Variants in GLTP observed in about 807,000 individuals in gnomAD.
GLTP encodes the protein glycolipid transfer protein.
In GLTP, 22 loss-of-function variants were observed where a neutral mutation model predicts 24.0. The ratio of observed to expected loss-of-function variants is 0.92; its 90% CI spans 0.65 to 1.31. GLTP has a LOEUF of 1.31. Among genes scored for constraint, GLTP ranks in the 50% most tolerant of loss-of-function variants. The probability of loss-of-function intolerance (pLI) is 0.00; values close to 1 mark genes in which losing one functional copy is unlikely to be tolerated. For synonymous variants in GLTP, 92 were observed against 115.9 expected, an observed-to-expected ratio of 0.79 and a Z score of 1.33; for missense variants, 224 against 276.6, an observed-to-expected ratio of 0.81 and a Z score of 1.35.
At position 109,852,636 on chromosome 12, in the gene GLTP, G is replaced by A. The variant is rs1421562002; in HGVS notation, c.549C>T (p.Phe183=). ...CGATGGTCGCCGTGTAGTTGACTAG[G>A]AAGAGGCGGATCTTCTCCAGGCACT... is the stretch of plus-strand genomic sequence containing the variant. ...EEECLEKIRL[F]LVNYTATIDV... is the part of the protein sequence containing the mutation. Residue 183 remains phenylalanine, a synonymous_variant, in exon 5 of 5, where the codon TTC becomes TTT. Transcript: ENST00000318348. The A allele has an allele frequency of 1.2e-6, 2 of 1,604,410 alleles. No homozygotes were observed. The highest frequency in any genetic ancestry group is 1.7e-6 in the Non-Finnish European group (2 of 1,171,154).
At chr12:109,871,979 C>T (rs551984878) in intron 1 of GLTP, among the ~76,000 whole-genome samples, 2 of 152,364 alleles carry the variant, frequency 1.3e-5, no homozygotes, top group Admixed American at 6.5e-5. Flanking sequence ...AGTCTCTCCC[C>T]TCCTACTCAA....
chr12:109,879,361 C>T (rs1358238879), intron 1 of GLTP, among the ~76,000 whole-genome samples: 1 of 152,166 alleles, frequency 6.6e-6, no homozygotes, highest in Non-Finnish European at 1.5e-5. Context: ...AGGGCAGGGG[C>T]AGTGGTGCTG....
chr12:109,861,663 G>T (rs1378372488), intron 1 of GLTP, among the ~76,000 whole-genome samples: 1 of 152,044 alleles, frequency 6.6e-6, no homozygotes, highest in East Asian at 1.9e-4. Context: ...CAGGAAAATC[G>T]CCTGAACCTG....
intron 4 of GLTP, among the ~76,000 whole-genome samples, chr12:109,853,178 T>C (rs1275133144): frequency 6.6e-6 from 1 of 152,126 alleles, no homozygotes; most frequent in Admixed American, 6.6e-5. Flanking sequence ...GTGAGTCTCT[T>C]CCCTCTGGGT....
chr12:109,867,123 C>T (rs1301183240), intron 1 of GLTP, among the ~76,000 whole-genome samples: 1 of 151,560 alleles, frequency 6.6e-6, no homozygotes, highest in East Asian at 1.9e-4. Context: ...TTGACAGCTA[C>T]TTCTTCCTGC....
chr12:109,857,457 G>A lies in GLTP; in HGVS notation c.296+69C>T. 6.5e-7 allele frequency: 1 copy of A among 1,546,646 alleles called. No individual in the cohort carries two copies. The highest frequency in any genetic ancestry group is 8.9e-7 in the Non-Finnish European group (1 of 1,126,784). On this transcript the variant is annotated intron_variant, in intron 3 of 4. Coordinates refer to ENST00000318348, the MANE Select transcript of GLTP (RefSeq NM_016433.4). This position sits in a 1 kb window ranked among gnomAD's most constrained non-coding sequence, Gnocchi z 4.3. Reference sequence around the variant, plus strand: ...CTTCCCAGCCTGAGCTGACACTGCGGAACAGTGACAGGTTTGCTTTCCCTC... The same window carrying A: ...CTTCCCAGCCTGAGCTGACACTGCGAAACAGTGACAGGTTTGCTTTCCCTC...
Position 109,854,136 on chromosome 12 carries a change from T to TTGG in GLTP, c.448-1400_448-1399insCCA, listed in dbSNP as rs1892763399. ...ACTTTGGGAGGCCGAGGTGGGAGGA[T>TTGG]TGCTTTGAGCTCAGGAGTTCGAGAC... On this transcript the variant is annotated intron_variant, in intron 4 of 4. Transcript: ENST00000318348. Among the ~76,000 whole-genome samples the TTGG allele has an allele frequency of 3.9e-5, 6 of 151,918 alleles. No individual in the cohort carries two copies. In the South Asian group the frequency reaches 1.2e-3, roughly 32 times the overall value.
intron 1 of GLTP, among the ~76,000 whole-genome samples, chr12:109,876,396 T>C (rs1443774933): frequency 1.3e-5 from 2 of 152,048 alleles, no homozygotes; most frequent in Admixed American, 1.3e-4. Flanking sequence ...ATGCCTGTAG[T>C]TCTAGCTGCT....
intron 1 of GLTP, among the ~76,000 whole-genome samples, chr12:109,864,577 G>A (rs1868465039): frequency 6.6e-6 from 1 of 152,130 alleles, no homozygotes; most frequent in Non-Finnish European, 1.5e-5. Context: ...TTTGCCTTTG[G>A]TGCAGTCCAA....
chr12:109,865,660 C>T (rs1868503201), intron 1 of GLTP, among the ~76,000 whole-genome samples: 1 of 151,826 alleles, frequency 6.6e-6, no homozygotes, highest in African/African-American at 2.4e-5. Context: ...TCTCCAACTC[C>T]TGGGCTCAAG....
chr12:109,878,120 G>A (rs1284788251), intron 1 of GLTP, among the ~76,000 whole-genome samples: 3 of 152,194 alleles, frequency 2.0e-5, no homozygotes, highest in African/African-American at 7.2e-5. Flanking sequence ...TTGAGACCAA[G>A]GAAAGGGAGG....
intron 1 of GLTP, among the ~76,000 whole-genome samples, chr12:109,867,273 C>T (rs929377390): frequency 1.3e-4 from 20 of 151,916 alleles, no homozygotes; most frequent in Middle Eastern, 3.4e-3. Flanking sequence ...CTCAGCCTCC[C>T]GAGTAGCTGG....
At chr12:109,861,348 C>T (rs1330622436) in intron 1 of GLTP, among the ~76,000 whole-genome samples, 1 of 152,206 alleles carries the variant, frequency 6.6e-6, no homozygotes, top group African/African-American at 2.4e-5. Flanking sequence ...CCTGCACGAC[C>T]ACTCCCCAGC....
intron 1 of GLTP, among the ~76,000 whole-genome samples, chr12:109,863,094 CTTACA>C (rs1868415727): frequency 6.6e-6 from 1 of 152,246 alleles, no homozygotes; most frequent in East Asian, 1.9e-4. Flanking sequence ...TGTCCAAAGG[CTTACA>C]TTAGACTGAT....
chr12:109,865,610 A>C (rs1245383369), intron 1 of GLTP, among the ~76,000 whole-genome samples: 3 of 152,094 alleles, frequency 2.0e-5, no homozygotes, highest in Non-Finnish European at 4.4e-5. Flanking sequence ...TGAAAAAAAA[A>C]AAAAATAGAG....
intron 1 of GLTP, among the ~76,000 whole-genome samples, chr12:109,871,860 G>A (rs754166345): frequency 1.3e-5 from 2 of 152,194 alleles, no homozygotes; most frequent in Non-Finnish European, 2.9e-5. Context: ...CCCATTGGTG[G>A]GTCCTGGGAG....
chr12:109,852,473 A>G lies in GLTP; in HGVS notation c.*82T>C. 2 of 914,384 alleles carry G rather than the reference A, an allele frequency of 2.2e-6. No homozygotes were observed. The highest frequency in any genetic ancestry group is 2.9e-5 in the South Asian group (2 of 68,202). 56.6% of individuals were successfully genotyped at this position (914,384 alleles called of 1,614,324 possible). A position where few individuals can be genotyped will look rare whatever the true frequency, so the allele number is the denominator to read the frequency against. On this transcript the variant is annotated 3_prime_UTR_variant, in exon 5 of 5. Transcript: ENST00000318348. ...GGGGGACACAGGCCAGGGGCAGTTC[A>G]CCGACTTGATTCACAGTGATTCTGG...
At position 109,858,723 on chromosome 12, in the gene GLTP, AC is replaced by A. The variant is rs757129858; in HGVS notation, c.121del (p.Val41CysfsTer9). Reference protein sequence around the residue: ...PPFFDCLGSPVFTPIKADISG... With the variant: ...PPFFDCLGSPXFTPIKADISG... ...TATGTCTGCCTTGATGGGAGTAAAC[AC>A]TGGGGACCCAAGGCAATCTGGGGAC... is the stretch of plus-strand genomic sequence containing the variant. On this transcript the variant is annotated frameshift_variant, in exon 2 of 5. Coordinates refer to ENST00000318348, the MANE Select transcript of GLTP (RefSeq NM_016433.4). LOFTEE classifies it high-confidence loss of function. 2 of 1,612,170 alleles carry A rather than the reference AC, an allele frequency of 1.2e-6. No individual in the cohort carries two copies. Among genetic ancestry groups the A allele is most frequent in the Non-Finnish European group, 1.7e-6 (2 of 1,178,252 alleles).
At chr12:109,869,303 CAAAAAA>C (rs140914540) in intron 1 of GLTP, among the ~76,000 whole-genome samples, 1 of 49,044 alleles carries the variant, frequency 2.0e-5, no homozygotes, top group African/African-American at 9.4e-5. Context: ...GGCTCTACCT[CAAAAAA>C]AAAAAAAAAA....
Sources: allele counts gnomAD v4.1 joint callset (sites outside exome capture counted in the v4.1 genomes callset), GRCh38; gene constraint gnomAD v4.1.1; non-coding constraint Gnocchi (gnomAD v3.1); transcripts MANE v1.5; gene names NCBI Gene and HGNC (gene_info 2026-07-23, HGNC 2026-07-21).